Variants in CYP3A4 observed in about 807,000 individuals in gnomAD.
The protein encoded by CYP3A4 is cytochrome P450 family 3 subfamily A member 4.
In CYP3A4, 41 loss-of-function variants were observed where a neutral mutation model predicts 54.9. The ratio of observed to expected loss-of-function variants is 0.75; its 90% CI spans 0.58 to 0.97. The LOEUF (loss-of-function observed/expected upper bound fraction) is 0.97. CYP3A4 is among the 50% of genes least tolerant of loss of function. The probability of loss-of-function intolerance (pLI) is 0.00; values close to 1 mark genes in which losing one functional copy is unlikely to be tolerated. For missense variants in CYP3A4, 510 were observed against 597.3 expected, an observed-to-expected ratio of 0.85 and a Z score of 1.52; for synonymous variants, 179 against 205.2, an observed-to-expected ratio of 0.87 and a Z score of 1.09.
chr7:99,772,657 A>G lies in CYP3A4; in HGVS notation c.251T>C (p.Ile84Thr). Residue 84 changes from isoleucine (I) to threonine (T), a missense_variant, in exon 4 of 13, where the codon ATC becomes ACC. Physicochemically the swap from Ile to Thr is moderately conservative, Grantham distance 89. Transcript: ENST00000651514. The part of the protein sequence containing the change: ...FYDGQQPVLA[I>T]TDPDMIKTVL... Reference sequence around the variant, plus strand: ...TGTTTTGATCATGTCAGGATCTGTGATAGCCAGCACAGGCTGTTGACCATC... The same window carrying G: ...TGTTTTGATCATGTCAGGATCTGTGGTAGCCAGCACAGGCTGTTGACCATC... 1 of 1,613,488 alleles carries G rather than the reference A, an allele frequency of 6.2e-7. No individual in the cohort carries two copies. The highest frequency in any genetic ancestry group is 2.2e-5 in the East Asian group (1 of 44,876).
chr7:99,768,601 A>C (rs1251132826), intron 6 of CYP3A4, 99 bp from the exon 7 acceptor site: 1 of 1,603,542 alleles, frequency 6.2e-7, no homozygotes, highest in African/African-American at 1.3e-5. Flanking sequence ...CAAGACAGAC[A>C]AACAGCCACA....
intron 12 of CYP3A4, among the ~76,000 whole-genome samples, chr7:99,758,550 A>T (rs973598483): frequency 3.3e-5 from 5 of 152,212 alleles, no homozygotes; most frequent in African/African-American, 1.2e-4. Flanking sequence ...CCTGAGACAA[A>T]TTCATGGAAA....
At chr7:99,768,614 C>T (rs1815544237) in intron 6 of CYP3A4, 112 bp from the exon 7 acceptor site, 1 of 1,588,662 alleles carries the variant, frequency 6.3e-7, no homozygotes, top group African/African-American at 1.3e-5. Context: ...CAGCCACAGA[C>T]TTTCAGATCT....
rs1815198928 is a variant in CYP3A4 at position 99,757,303 on chromosome 7, G to A, written c.*830C>T. 6.6e-6 allele frequency: 1 copy of A among 152,204 alleles called. No individual in the cohort carries two copies. Among genetic ancestry groups the A allele is most frequent in the Non-Finnish European group, 1.5e-5 (1 of 68,084 alleles). 9.4% of individuals were successfully genotyped at this position (152,204 alleles called of 1,614,324 possible). ...CTCCTGCCTCAGCCTCCTGTGTAGT[G>A]AGATTACAGGCGAGTCCACCATGCC... On this transcript the variant is annotated 3_prime_UTR_variant, in exon 13 of 13. Transcript: ENST00000651514.
chr7:99,766,334 C>T, intron 9 of CYP3A4, 43 bp downstream of exon 9: 1 of 1,605,114 alleles, frequency 6.2e-7, no homozygotes, highest in South Asian at 1.1e-5. Context: ...AAGGCCTTCC[C>T]TCTGAGTGCC....
rs747540614 is a variant in CYP3A4, at chr7:99,770,204, G to A, written c.350C>T (p.Ala117Val). 6.2e-7 allele frequency: 1 copy of A among 1,613,608 alleles called. No homozygotes were observed. Among genetic ancestry groups the A allele is most frequent in the South Asian group, 1.1e-5 (1 of 91,064 alleles). Reference sequence around the variant, plus strand: ...TTCTTCATCCTCAGCTATAGAGATGGCACTTTTCATAAATCCCACTGGACC... The same window carrying A: ...TTCTTCATCCTCAGCTATAGAGATGACACTTTTCATAAATCCCACTGGACC... ...PFGPVGFMKSAISIAEDEEWK... is the reference protein window; with the variant it reads ...PFGPVGFMKSVISIAEDEEWK... The change falls in exon 5 of 13, where the codon GCC becomes GTC. Residue 117 changes from alanine to valine, a missense_variant. Ala to Val is a moderately conservative substitution (Grantham distance 64, BLOSUM62 0). Transcript: ENST00000651514.
At chr7:99,783,793 G>T (rs1469857869) in intron 1 of CYP3A4, among the ~76,000 whole-genome samples, 1 of 151,944 alleles carries the variant, frequency 6.6e-6, no homozygotes, top group Non-Finnish European at 1.5e-5. Flanking sequence ...ATTTTTAGTA[G>T]AGACAGAGTT....
intron 9 of CYP3A4, among the ~76,000 whole-genome samples, chr7:99,765,471 T>TGATA (rs145748078): frequency 4.0e-5 from 6 of 148,690 alleles, no homozygotes; most frequent in Non-Finnish European, 7.4e-5. Flanking sequence ...GATGGATAGA[T>TGATA]GATAGATAGA....
chr7:99,775,245 T>A (rs1315139405), intron 3 of CYP3A4, among the ~76,000 whole-genome samples: 1 of 152,092 alleles, frequency 6.6e-6, no homozygotes, highest in Non-Finnish European at 1.5e-5. Flanking sequence ...AGACTCCATA[T>A]CATGAAAATG....
In CYP3A4 at chr7:99,767,460, G is replaced by A. The variant is rs4646437; in HGVS notation, c.671-202C>T. Among the ~76,000 whole-genome samples, 44,388 of 152,112 alleles carry A rather than the reference G, an allele frequency of 0.29. 12,044 individuals carry two copies. The highest frequency in any genetic ancestry group is 0.72 in the African/African-American group (29,711 of 41,472). Reference sequence around the variant, plus strand: ...GGCAGGTCTATGCATAAGGAGCACCGCTACAGCAGTGAGATCAGCAGCCCC... The same window carrying A: ...GGCAGGTCTATGCATAAGGAGCACCACTACAGCAGTGAGATCAGCAGCCCC... On this transcript the variant is annotated intron_variant, in intron 7 of 12. Transcript: ENST00000651514.
At chr7:99,780,460 T>C (rs1563045937) in intron 1 of CYP3A4, among the ~76,000 whole-genome samples, 1 of 152,212 alleles carries the variant, frequency 6.6e-6, no homozygotes, top group Non-Finnish European at 1.5e-5. Context: ...TTGGGGATTC[T>C]CATCCTAGGT....
intron 12 of CYP3A4, among the ~76,000 whole-genome samples, chr7:99,758,576 G>A (rs567630881): frequency 6.2e-4 from 94 of 152,000 alleles, no homozygotes; most frequent in Non-Finnish European, 8.2e-4. Context: ...GTTCTTTTTT[G>A]ATTTAAATTT....
Position 99,758,293 on chromosome 7 carries a change from A to G in CYP3A4, c.1417-65T>C. 2.6e-6 allele frequency: 4 copies of G among 1,554,398 alleles called. No homozygotes were observed. The South Asian group carries it at 3.3e-5, about 13-fold the overall frequency. On this transcript the variant is annotated intron_variant, in intron 12 of 12. Coordinates refer to ENST00000651514, the MANE Select transcript of CYP3A4 (RefSeq NM_017460.6). ...AACAAAAGTAGAAAGTATAGCATCA[A>G]AGTGAGTGAGACACTCCTTCAGTGT...
chr7:99,776,097 T>C (rs1263922112), intron 3 of CYP3A4, among the ~76,000 whole-genome samples: 2 of 152,182 alleles, frequency 1.3e-5, no homozygotes, highest in Non-Finnish European at 2.9e-5. Context: ...GAAAAAATGC[T>C]CATCATCACT....
intron 1 of CYP3A4, among the ~76,000 whole-genome samples, chr7:99,781,278 G>T (rs545698083): frequency 2.2e-4 from 33 of 152,296 alleles, no homozygotes; most frequent in Non-Finnish European, 3.5e-4. Context: ...ACAGCCTGCA[G>T]AACCATGAGA....
At chr7:99,763,115 G>A (rs1386917532) in intron 10 of CYP3A4, among the ~76,000 whole-genome samples, 1 of 152,248 alleles carries the variant, frequency 6.6e-6, no homozygotes, top group South Asian at 2.1e-4. Flanking sequence ...AGATAGGTGT[G>A]GGGAGAGCTG....
intron 3 of CYP3A4, among the ~76,000 whole-genome samples, chr7:99,777,716 G>A (rs1815807741): frequency 6.6e-6 from 1 of 152,078 alleles, no homozygotes; most frequent in Non-Finnish European, 1.5e-5. Context: ...CGTCACCCTT[G>A]TTACTGATCT....
At position 99,784,165 on chromosome 7, in the gene CYP3A4, T is replaced by C. The variant is rs1432599484; in HGVS notation, c.-84A>G. 7.8e-7 allele frequency: 1 copy of C among 1,289,428 alleles called. No individual in the cohort carries two copies. The highest frequency in any genetic ancestry group is 1.7e-5 in the Admixed American group (1 of 58,108). 79.9% of individuals were successfully genotyped at this position (1,289,428 alleles called of 1,614,324 possible). Reference sequence around the variant, plus strand: ...TTTGCTGGGCTATGTGCATGGAGCTTTCCTGCCCTGCACAGCAGTGATTCA... The same window carrying C: ...TTTGCTGGGCTATGTGCATGGAGCTCTCCTGCCCTGCACAGCAGTGATTCA... On this transcript the variant is annotated 5_prime_UTR_variant, in exon 1 of 13. Transcript: ENST00000651514.
At chr7:99,770,087 TAA>T in intron 5 of CYP3A4, 33 bp downstream of exon 5, 1 of 1,589,088 alleles carries the variant, frequency 6.3e-7, no homozygotes, top group African/African-American at 1.3e-5. Flanking sequence ...ATTCATTCTT[TAA>T]GTTTCTTATT....
Sources: allele counts gnomAD v4.1 joint callset (sites outside exome capture counted in the v4.1 genomes callset), GRCh38; gene constraint gnomAD v4.1.1; transcripts MANE v1.5; gene names NCBI Gene and HGNC (gene_info 2026-07-23, HGNC 2026-07-21).